RYR2: variants seen among roughly 807,000 people sequenced by gnomAD.
The protein encoded by RYR2 is cardiac muscle ryanodine receptor-calcium release channel.
Under a neutral mutation model 601.1 loss-of-function variants are expected in RYR2, and 227 were observed. That is an observed-to-expected ratio of 0.38 (90% CI 0.34 to 0.42). RYR2 has a LOEUF of 0.42. Ranked by LOEUF, RYR2 falls within the 10% of genes least tolerant of loss-of-function variation. The pLI is 1.00. For missense variants in RYR2, 4,646 were observed against 6,156.5 expected, an observed-to-expected ratio of 0.75 and a Z score of 8.21; for synonymous variants, 2,223 against 2,175.1, an observed-to-expected ratio of 1.02 and a Z score of -0.61.
At chr1:237,373,977 T>C (rs530945244) in intron 6 of RYR2, among the ~76,000 whole-genome samples, 1 of 152,362 alleles carries the variant, frequency 6.6e-6, no homozygotes, top group African/African-American at 2.4e-5. Flanking sequence ...AAGTGAGAGA[T>C]GTACAAATAC....
At chr1:237,780,476 G>T (rs140971023) in intron 88 of RYR2, among the ~76,000 whole-genome samples, 150 of 151,920 alleles carry the variant, frequency 9.9e-4, no homozygotes, top group African/African-American at 3.5e-3. Context: ...TCCCAACACT[G>T]TATAGCTTCA....
chr1:237,728,603 A>T (rs1690403995), intron 76 of RYR2, among the ~76,000 whole-genome samples: 1 of 152,186 alleles, frequency 6.6e-6, no homozygotes, highest in Admixed American at 6.5e-5. Context: ...CTATGCAGCC[A>T]TAAAAAAAGA....
At position 237,709,477 on chromosome 1, in the gene RYR2, C is replaced by T; in HGVS notation, c.10143-3C>T. Reference sequence around the variant, plus strand: ...AAACCACTTTATTTATTATGTGATCCAGGGCAAAGTGGCTAAAGGAGCCTA... The same window carrying T: ...AAACCACTTTATTTATTATGTGATCTAGGGCAAAGTGGCTAAAGGAGCCTA... On this transcript the variant is annotated splice_polypyrimidine_tract_variant and splice_region_variant and intron_variant, in intron 69 of 104. Coordinates refer to ENST00000366574, the MANE Select transcript of RYR2 (RefSeq NM_001035.3). The T allele has an allele frequency of 1.3e-6, 2 of 1,596,082 alleles. No individual in the cohort carries two copies. The highest frequency in any genetic ancestry group is 1.7e-6 in the Non-Finnish European group (2 of 1,165,676).
At chr1:237,677,415 A>G (rs1685496848) in intron 60 of RYR2, among the ~76,000 whole-genome samples, 1 of 152,208 alleles carries the variant, frequency 6.6e-6, no homozygotes, top group African/African-American at 2.4e-5. Context: ...TTGGTAAACC[A>G]TGGGGAAAAC....
chr1:237,692,397 T>C (rs1017164910), intron 63 of RYR2, among the ~76,000 whole-genome samples: 1 of 152,218 alleles, frequency 6.6e-6, no homozygotes, highest in African/African-American at 2.4e-5. Flanking sequence ...TGTTCCACGA[T>C]GATCTTATCA....
intron 20 of RYR2, among the ~76,000 whole-genome samples, chr1:237,498,672 A>G (rs911152236): frequency 2.6e-5 from 4 of 152,074 alleles, no homozygotes; most frequent in Admixed American, 6.6e-5. Context: ...TTCAATTTGA[A>G]GCTTTTTCTT....
At position 237,106,158 on chromosome 1, in the gene RYR2, A is replaced by G. The variant is rs1255661303; in HGVS notation, c.48+63589A>G. On this transcript the variant is annotated intron_variant, in intron 1 of 104. Transcript: ENST00000366574. The surrounding 1 kb of genome is among the most constrained non-coding windows in gnomAD (Gnocchi z 4.4). ...TTTTAGCCATATGGGAGTCATTGCA[A>G]TCCTTTGAGCTGAGGGGTAGCTCGT... is the stretch of plus-strand genomic sequence containing the variant. Among the ~76,000 whole-genome samples the G allele has an allele frequency of 2.0e-5, 3 of 152,148 alleles. No individual in the cohort carries two copies. Among genetic ancestry groups the G allele is most frequent in the African/African-American group, 7.2e-5 (3 of 41,446 alleles).
intron 63 of RYR2, among the ~76,000 whole-genome samples, chr1:237,692,664 C>T (rs763257873): frequency 1.2e-4 from 18 of 152,120 alleles, no homozygotes; most frequent in Non-Finnish European, 1.8e-4. Flanking sequence ...CTGTAATTAT[C>T]GCCTGAGTAA....
intron 101 of RYR2, among the ~76,000 whole-genome samples, chr1:237,824,244 A>G (rs1207257920): frequency 6.6e-6 from 1 of 152,206 alleles, no homozygotes; most frequent in African/African-American, 2.4e-5. Flanking sequence ...TTTCAGGCCA[A>G]TATCCCTGAT....
rs774495362 is a variant in RYR2 at position 237,569,136 on chromosome 1, T to A, written c.3424-9T>A. 3.7e-6 allele frequency: 6 copies of A among 1,607,826 alleles called. No individual in the cohort carries two copies. The highest frequency in any genetic ancestry group is 1.7e-4 in the Middle Eastern group (1 of 5,998). On this transcript the variant is annotated splice_polypyrimidine_tract_variant and intron_variant, in intron 28 of 104. Coordinates refer to ENST00000366574, the MANE Select transcript of RYR2 (RefSeq NM_001035.3). Reference sequence around the variant, plus strand: ...TCTGTGACAAGGGACTTTTCTGTCCTCTGTATAGGCCCAGCGGTGGCATCA... The same window carrying A: ...TCTGTGACAAGGGACTTTTCTGTCCACTGTATAGGCCCAGCGGTGGCATCA...
chr1:237,367,396 A>C (rs28666737), intron 5 of RYR2, among the ~76,000 whole-genome samples: 24 of 63,706 alleles, frequency 3.8e-4, no homozygotes, highest in East Asian at 5.9e-4. Context: ...CTGGCCCCCC[A>C]AAAAAAGTGG....
At chr1:237,426,327 A>C (rs1287251000) in intron 12 of RYR2, among the ~76,000 whole-genome samples, 2 of 152,182 alleles carry the variant, frequency 1.3e-5, no homozygotes, top group Non-Finnish European at 1.5e-5. Flanking sequence ...CTTGCAAAGC[A>C]TCTGTATCTA....
At chr1:237,416,603 CAG>C (rs1178682012) in intron 10 of RYR2, among the ~76,000 whole-genome samples, 2 of 151,998 alleles carry the variant, frequency 1.3e-5, no homozygotes, top group Non-Finnish European at 2.9e-5. Context: ...TAATCTAAAA[CAG>C]AATTTGGAAG....
At chr1:237,587,147 A>G (rs1674615490) in intron 29 of RYR2, among the ~76,000 whole-genome samples, 1 of 152,244 alleles carries the variant, frequency 6.6e-6, no homozygotes, top group African/African-American at 2.4e-5. Context: ...TCGAATAAGT[A>G]AATGAATGGT....
intron 74 of RYR2, among the ~76,000 whole-genome samples, chr1:237,725,952 A>G (rs952446021): frequency 6.6e-6 from 1 of 152,100 alleles, no homozygotes. Context: ...GGTCTCATTG[A>G]AAACTATTGC....
At chr1:237,331,433 T>G (rs1572628563) in intron 3 of RYR2, among the ~76,000 whole-genome samples, 1 of 152,218 alleles carries the variant, frequency 6.6e-6, no homozygotes. Flanking sequence ...AGTAACCAAA[T>G]TTTGGTGATA....
chr1:237,324,362 T>C (rs987121327), intron 2 of RYR2, among the ~76,000 whole-genome samples: 6 of 152,172 alleles, frequency 3.9e-5, no homozygotes, highest in Admixed American at 2.6e-4. Context: ...TCTCCATCAT[T>C]TGGGGAGAAG....
At chr1:237,523,011 A>G (rs1383161259) in intron 24 of RYR2, among the ~76,000 whole-genome samples, 1 of 152,170 alleles carries the variant, frequency 6.6e-6, no homozygotes, top group East Asian at 1.9e-4. Flanking sequence ...AATGAGTTAA[A>G]CAATGTTAAA....
chr1:237,692,990 A>G (rs1238475717), intron 63 of RYR2, among the ~76,000 whole-genome samples: 1 of 152,158 alleles, frequency 6.6e-6, no homozygotes, highest in East Asian at 1.9e-4. Flanking sequence ...TATATGATGA[A>G]TGAATGAATG....
Sources: gnomAD v4.1 joint callset for allele counts (sites outside exome capture counted in the v4.1 genomes callset) on GRCh38, gnomAD v4.1.1 for gene constraint, Gnocchi (gnomAD v3.1) non-coding constraint, MANE v1.5 for transcripts, NCBI Gene and HGNC (gene_info 2026-07-23, HGNC 2026-07-21) for gene names.